ZNF541: variants seen among roughly 807,000 people sequenced by gnomAD.
The protein encoded by ZNF541 is zinc finger protein 541.
In ZNF541, 23 loss-of-function variants were observed where a neutral mutation model predicts 123.5. That is an observed-to-expected ratio of 0.19 (90% CI 0.13 to 0.26). The LOEUF (loss-of-function observed/expected upper bound fraction) is 0.26, where lower values mean the gene tolerates loss of function less well. ZNF541 is among the 10% of genes least tolerant of loss of function. ZNF541 has a pLI of 1.00. For missense variants in ZNF541, 1,612 were observed against 1,789.9 expected (o/e 0.90, Z 1.79); for synonymous variants, 751 against 754.5 (o/e 1.00, Z 0.08).
rs193234772 is a variant in ZNF541, at chr19:47,533,229, G to A, written c.3095-257C>T. Among the ~76,000 whole-genome samples the A allele has an allele frequency of 2.0e-3, 303 of 151,732 alleles. 2 individuals carry two copies. The highest frequency in any genetic ancestry group is 6.9e-3 in the African/African-American group (287 of 41,368). ...ACTTAAAATACAAAAAAAAGTAGCC[G>A]GGCGTGGTAGTGGGTGCCTGTAGTC... On this transcript the variant is annotated intron_variant, in intron 9 of 16. Transcript: ENST00000391901.
chr19:47,557,037 C>A (rs1167380991), intron 2 of ZNF541, among the ~76,000 whole-genome samples: 1 of 152,056 alleles, frequency 6.6e-6, no homozygotes, highest in East Asian at 1.9e-4. Context: ...GGATTACAGG[C>A]GTGAGCCACT....
At chr19:47,571,134 A>T (rs1971463061) in intron 2 of ZNF541, among the ~76,000 whole-genome samples, 1 of 149,438 alleles carries the variant, frequency 6.7e-6, no homozygotes, top group Non-Finnish European at 1.5e-5. Flanking sequence ...TTTTTTTGAG[A>T]CGGAGTCTCG....
intron 14 of ZNF541, among the ~76,000 whole-genome samples, chr19:47,523,339 T>TAAAAAAAAA (rs75366644): frequency 9.5e-6 from 1 of 105,750 alleles, no homozygotes; most frequent in African/African-American, 4.4e-5. Flanking sequence ...GCGTCTCTTT[T>TAAAAAAAAA]AAAAAAAAAA....
intron 14 of ZNF541, 141 bp from the exon 15 acceptor site, chr19:47,522,135 G>A: frequency 8.9e-7 from 1 of 1,122,308 alleles, no homozygotes; most frequent in Non-Finnish European, 1.2e-6. Flanking sequence ...TCACCACAAA[G>A]GCACAGGACC....
At chr19:47,525,789 G>A (rs1321181452) in intron 14 of ZNF541, among the ~76,000 whole-genome samples, 1 of 151,944 alleles carries the variant, frequency 6.6e-6, no homozygotes, top group Non-Finnish European at 1.5e-5. Flanking sequence ...GGTGGCATGT[G>A]CCTGTAGTCG....
intron 4 of ZNF541, 50 bp from the exon 5 acceptor site, chr19:47,546,030 T>C (rs541309631): frequency 3.5e-6 from 5 of 1,426,436 alleles, no homozygotes; most frequent in Non-Finnish European, 4.6e-6. Context: ...GGGACCGGGC[T>C]TTCTGCTGTA....
chr19:47,527,999 C>CTTT (rs1022343366), intron 14 of ZNF541, among the ~76,000 whole-genome samples: 4 of 118,214 alleles, frequency 3.4e-5, no homozygotes, highest in African/African-American at 6.3e-5. Context: ...ACGCCAGGCC[C>CTTT]TTTTTTTTTT....
At position 47,544,610 on chromosome 19, in the gene ZNF541, G is replaced by A; in HGVS notation, c.1919C>T (p.Pro640Leu). ...CTTTGCGTCTCGTCTCGTGCTGCCG[G>A]GGGAGGCCTCTCTGGGAACCCCGGG... ...TTPGVPREAS[P>L]GSTRRDAKGG... Residue 640 changes from proline (P) to leucine (L), a missense_variant, in exon 5 of 17, where the codon CCC becomes CTC. This residue lies in a region of ZNF541 where 1,080 missense variants were observed against 1,013.8 expected (regional missense o/e 1.07). Coordinates refer to ENST00000391901, the MANE Select transcript of ZNF541 (RefSeq NM_001277075.3). 6.4e-7 allele frequency: 1 copy of A among 1,551,156 alleles called. No individual in the cohort carries two copies. The highest frequency in any genetic ancestry group is 8.7e-7 in the Non-Finnish European group (1 of 1,146,962).
rs1377823494 is a variant in ZNF541, at chr19:47,544,769, G to A, written c.1760C>T (p.Pro587Leu). Residue 587 changes from proline (P) to leucine (L), a missense_variant, in exon 5 of 17, where the codon CCA becomes CTA. Pro to Leu is a moderately conservative substitution (Grantham distance 98, BLOSUM62 -3). Around this residue, in one of 5 missense-constraint regions of ZNF541, gnomAD observed 1,080 missense variants for 1,013.8 expected, o/e 1.07. Coordinates refer to ENST00000391901, the MANE Select transcript of ZNF541 (RefSeq NM_001277075.3). Reference protein sequence around the residue: ...SSQLPAPEGKPAALRPLQGPW... With the variant: ...SSQLPAPEGKLAALRPLQGPW... ...CCCCTGCAGCGGCCTCAGGGCGGCT[G>A]GTTTGCCCTCGGGCGCAGGGAGCTG... 2.6e-6 allele frequency: 4 copies of A among 1,510,214 alleles called. No homozygotes were observed. 93.6% of individuals were successfully genotyped at this position (1,510,214 alleles called of 1,614,324 possible). A position where few individuals can be genotyped will look rare whatever the true frequency, so the allele number is the denominator to read the frequency against.
rs755580550 is a variant in ZNF541 at position 47,521,748 on chromosome 19, CCCTT to C, written c.3712-98_3712-95del. On this transcript the variant is annotated intron_variant, in intron 15 of 16. Coordinates refer to ENST00000391901, the MANE Select transcript of ZNF541 (RefSeq NM_001277075.3). This position sits in a 1 kb window ranked among gnomAD's most constrained non-coding sequence, Gnocchi z 4.2. ...GGCATACGTGTCTCCTGCAGGAAAA[CCCTT>C]CCATCAGGAGCACCCCCGCCCTCTG... 31 of 1,519,832 alleles carry C rather than the reference CCCTT, an allele frequency of 2.0e-5. No homozygotes were observed. The highest frequency in any genetic ancestry group is 2.8e-5 in the African/African-American group (2 of 72,356). 94.1% of individuals were successfully genotyped at this position (1,519,832 alleles called of 1,614,324 possible).
In ZNF541 at chr19:47,542,362, A is replaced by G. The variant is rs192213757; in HGVS notation, c.2404-1411T>C. On this transcript the variant is annotated intron_variant, in intron 5 of 16. Coordinates refer to ENST00000391901, the MANE Select transcript of ZNF541 (RefSeq NM_001277075.3). ...AAATTACCCAACGCTACACTTTAAAATGGTGTATTCAGGCCAGGCACCATG... is the reference window on the plus strand; with the variant it reads ...AAATTACCCAACGCTACACTTTAAAGTGGTGTATTCAGGCCAGGCACCATG... 2.0e-4 allele frequency among the ~76,000 whole-genome samples: 31 copies of G among 152,308 alleles called. 1 individual carries two copies. In the East Asian group the frequency reaches 4.8e-3, roughly 24 times the overall value.
In ZNF541 at chr19:47,545,043, C is replaced by A. The variant is rs1206467731; in HGVS notation, c.1486G>T (p.Asp496Tyr). 1.3e-6 allele frequency: 2 copies of A among 1,483,268 alleles called. No individual in the cohort carries two copies. Among genetic ancestry groups the A allele is most frequent in the Non-Finnish European group, 1.8e-6 (2 of 1,120,978 alleles). 91.9% of individuals were successfully genotyped at this position (1,483,268 alleles called of 1,614,324 possible). A position where few individuals can be genotyped will look rare whatever the true frequency, so the allele number is the denominator to read the frequency against. Reference protein sequence around the residue: ...PSDPRSASGEDDPCAPKKVKV... With the variant: ...PSDPRSASGEYDPCAPKKVKV... Reference sequence around the variant, plus strand: ...ACCTTCTTGGGGGCGCAGGGGTCATCTTCCCCGCTGGCCGACCTGGGGTCG... The same window carrying A: ...ACCTTCTTGGGGGCGCAGGGGTCATATTCCCCGCTGGCCGACCTGGGGTCG... Residue 496 changes from aspartate (D) to tyrosine (Y), a missense_variant, in exon 5 of 17, where the codon GAT becomes TAT. Coordinates refer to ENST00000391901, the MANE Select transcript of ZNF541 (RefSeq NM_001277075.3). This position sits in a 1 kb window ranked among gnomAD's most constrained non-coding sequence, Gnocchi z 7.5.
intron 6 of ZNF541, 96 bp from the exon 7 acceptor site, chr19:47,540,431 C>A: frequency 7.7e-7 from 1 of 1,290,406 alleles, no homozygotes; most frequent in Non-Finnish European, 1.0e-6. Context: ...TCTATAACTC[C>A]AATCCACTGA....
chr19:47,558,201 G>A (rs1451021226), intron 2 of ZNF541, among the ~76,000 whole-genome samples: 1 of 152,168 alleles, frequency 6.6e-6, no homozygotes, highest in African/African-American at 2.4e-5. Flanking sequence ...CGGATCATGA[G>A]GTCAGGAGAT....
chr19:47,541,835 CTAG>C (rs1189273216), intron 5 of ZNF541, among the ~76,000 whole-genome samples: 1 of 152,208 alleles, frequency 6.6e-6, no homozygotes, highest in East Asian at 1.9e-4. Context: ...GCAAAACAGC[CTAG>C]TAGTTCCTCA....
chr19:47,550,109 G>A (rs919809478), intron 3 of ZNF541, among the ~76,000 whole-genome samples: 7 of 152,004 alleles, frequency 4.6e-5, no homozygotes, highest in Non-Finnish European at 8.8e-5. Context: ...AAAATTAGCT[G>A]GGCATGGTGG....
chr19:47,550,497 T>C (rs1360327996), intron 3 of ZNF541, among the ~76,000 whole-genome samples: 5 of 152,208 alleles, frequency 3.3e-5, no homozygotes, highest in African/African-American at 9.6e-5. Context: ...GCTGGTTTTA[T>C]TTTCCTCTTT....
chr19:47,545,168 C>T lies in ZNF541; in HGVS notation c.1361G>A (p.Gly454Glu), dbSNP rs989448557. The change falls in exon 5 of 17, where the codon GGA (glycine) becomes GAA (glutamate). Residue 454 changes from glycine to glutamate, a missense_variant. By Grantham distance (98) the Gly-to-Glu change is moderately conservative (BLOSUM62 -2). Coordinates refer to ENST00000391901, the MANE Select transcript of ZNF541 (RefSeq NM_001277075.3). The surrounding 1 kb of genome is among the most constrained non-coding windows in gnomAD (Gnocchi z 7.5). The part of the protein sequence containing the change: ...GSESGPGPSS[G>E]SPSEESPPGP... ...GGGCGGGGACTCCTCCGAGGGGCTT[C>T]CGCTGCTGGGTCCCGGGCCAGACTC... The T allele has an allele frequency of 1.3e-6, 2 of 1,497,990 alleles. No homozygotes were observed. Among genetic ancestry groups the T allele is most frequent in the Non-Finnish European group, 1.8e-6 (2 of 1,122,098 alleles). The allele number at this position is 1,497,990 out of a possible 1,614,324, so 92.8% of individuals were successfully genotyped here.
intron 4 of ZNF541, among the ~76,000 whole-genome samples, chr19:47,548,657 C>T (rs192745694): frequency 9.2e-5 from 14 of 152,200 alleles, no homozygotes; most frequent in African/African-American, 3.1e-4. Flanking sequence ...CAGAAGCCAG[C>T]TGTTAGGCGT....
Sources: gnomAD v4.1 joint callset for allele counts (sites outside exome capture counted in the v4.1 genomes callset) on GRCh38, gnomAD v4.1.1 for gene constraint, gnomAD v4.1.1 regional missense constraint, Gnocchi (gnomAD v3.1) non-coding constraint, MANE v1.5 for transcripts, NCBI Gene and HGNC (gene_info 2026-07-23, HGNC 2026-07-21) for gene names.